AKIRIN1: variants seen among roughly 807,000 people sequenced by gnomAD.
AKIRIN1 encodes akirin 1.
Under a neutral mutation model 25.9 loss-of-function variants are expected in AKIRIN1, and 4 were observed. The ratio of observed to expected loss-of-function variants is 0.15; its 90% CI spans 0.08 to 0.35. The LOEUF is 0.35. AKIRIN1 is among the 10% of genes least tolerant of loss of function. The probability of loss-of-function intolerance (pLI) is 1.00; values close to 1 mark genes in which losing one functional copy is unlikely to be tolerated. For synonymous variants in AKIRIN1, 125 were observed against 105.1 expected, an observed-to-expected ratio of 1.19 and a Z score of -1.16; for missense variants, 243 against 266.1, an observed-to-expected ratio of 0.91 and a Z score of 0.61.
At chr1:38,993,753 A>ACAT (rs1435551497) in intron 1 of AKIRIN1, among the ~76,000 whole-genome samples, 1 of 152,018 alleles carries the variant, frequency 6.6e-6, no homozygotes, top group Non-Finnish European at 1.5e-5. Context: ...AGTCTGTGCA[A>ACAT]CATAATGAGA....
At chr1:38,996,686 C>A (rs777581500) in intron 1 of AKIRIN1, among the ~76,000 whole-genome samples, 1 of 152,160 alleles carries the variant, frequency 6.6e-6, no homozygotes, top group East Asian at 1.9e-4. Context: ...CGTGCCACCA[C>A]GCCTGGCTAA....
At chr1:38,996,131 G>A (rs1313601573) in intron 1 of AKIRIN1, among the ~76,000 whole-genome samples, 2 of 152,174 alleles carry the variant, frequency 1.3e-5, no homozygotes, top group African/African-American at 2.4e-5. Flanking sequence ...GTCTTACTCT[G>A]TTGCCCAGGC....
rs1361610822 is a variant in AKIRIN1, at chr1:39,005,238, GTGGCGGT to G, written c.*1186_*1192del. The G allele has an allele frequency of 6.6e-6, 1 of 151,744 alleles. No individual in the cohort carries two copies. 9.4% of individuals were successfully genotyped at this position (151,744 alleles called of 1,614,324 possible). A position where few individuals can be genotyped will look rare whatever the true frequency, so the allele number is the denominator to read the frequency against. On this transcript the variant is annotated 3_prime_UTR_variant, in exon 5 of 5. Coordinates refer to ENST00000432648, the MANE Select transcript of AKIRIN1 (RefSeq NM_024595.3). ...CAGGAGAATCACTTGAACCCTGGAG[GTGGCGGT>G]TGCAGTGAGCACAGATCATGCCACT...
At chr1:38,993,578 C>T (rs1392390592) in intron 1 of AKIRIN1, among the ~76,000 whole-genome samples, 2 of 147,962 alleles carry the variant, frequency 1.4e-5, no homozygotes, top group African/African-American at 5.0e-5. Context: ...TTGCAGTGAG[C>T]GGAGATCACA....
At position 39,003,476 on chromosome 1, in the gene AKIRIN1, C is replaced by G. The variant is rs1382542837; in HGVS notation, c.568+58C>G. 4 of 1,506,208 alleles carry G rather than the reference C, an allele frequency of 2.7e-6. No individual in the cohort carries two copies. The East Asian group carries it at 9.0e-5, about 34-fold the overall frequency. The allele number at this position is 1,506,208 out of a possible 1,614,324, so 93.3% of individuals were successfully genotyped here. ...AAGTTTCAAGAGCAAAATTTCTACA[C>G]TGAAACTTCTCTCCTCAGAGTAAAA... On this transcript the variant is annotated intron_variant, in intron 4 of 4. Transcript: ENST00000432648.
Position 38,991,566 on chromosome 1 carries a change from C to T in AKIRIN1, c.186C>T (p.Ala62=), listed in dbSNP as rs940344021. The change falls in exon 1 of 5, where the codon GCC becomes GCT. Residue 62 remains alanine, a synonymous_variant. Coordinates refer to ENST00000432648, the MANE Select transcript of AKIRIN1 (RefSeq NM_024595.3). ...CACCGCAGAGTCTGCAGCAGCCCGC[C>T]CCGCCCGGCAGCGAGCGGCGCCTTC... ...QTPPQSLQQP[A]PPGSERRLPT... is the part of the protein sequence containing the mutation. The T allele has an allele frequency of 1.5e-6, 2 of 1,374,254 alleles. No homozygotes were observed. Among genetic ancestry groups the T allele is most frequent in the Non-Finnish European group, 1.9e-6 (2 of 1,066,692 alleles). 85.1% of individuals were successfully genotyped at this position (1,374,254 alleles called of 1,614,324 possible).
At chr1:39,000,912 G>T (rs1643986213) in intron 2 of AKIRIN1, 60 bp from the exon 3 acceptor site, 3 of 1,529,324 alleles carry the variant, frequency 2.0e-6, no homozygotes, top group African/African-American at 2.8e-5. Flanking sequence ...CTCCCAAAGT[G>T]CTGGGATTAT....
chr1:39,003,951 A>G (rs370185419), intron 4 of AKIRIN1, 94 bp from the exon 5 acceptor site: 40 of 1,086,522 alleles, frequency 3.7e-5, no homozygotes, highest in Middle Eastern at 4.0e-4. Flanking sequence ...CGTTCATGCT[A>G]TTTCTCACAT....
Position 38,996,517 on chromosome 1 carries a change from T to A in AKIRIN1, c.221-1654T>A, listed in dbSNP as rs986085703. Among the ~76,000 whole-genome samples, 7 of 148,910 alleles carry A rather than the reference T, an allele frequency of 4.7e-5. No homozygotes were observed. The South Asian group carries it at 1.3e-3, about 27-fold the overall frequency. On this transcript the variant is annotated intron_variant, in intron 1 of 4. Transcript: ENST00000432648. The stretch of plus-strand genomic sequence containing the variant: ...AGTGCCTGGCCCATAGCACTCTTGT[T>A]TTTTTGTTTTGTTTTTCTATTTTTT...
intron 3 of AKIRIN1, 149 bp downstream of exon 3, chr1:39,001,255 C>A: frequency 1.5e-5 from 10 of 648,848 alleles, no homozygotes; most frequent in Non-Finnish European, 2.1e-5. Context: ...TGATTGTAAA[C>A]ACATCATTTA....
intron 1 of AKIRIN1, among the ~76,000 whole-genome samples, chr1:38,994,662 C>G (rs553660441): frequency 8.3e-6 from 1 of 120,598 alleles, no homozygotes; most frequent in Admixed American, 9.4e-5. Flanking sequence ...TGTGTCACTA[C>G]GCTCGGCTAA....
rs749355398 is a variant in AKIRIN1 at position 39,003,394 on chromosome 1, C to T, written c.544C>T (p.Arg182Trp). ...ATTCACACATGATCAGATTATGCGA[C>T]GGTATGGGACAAGGCCAACAAGCTG... Reference protein sequence around the residue: ...VKFTHDQIMRRYGTRPTSYVS With the variant: ...VKFTHDQIMRWYGTRPTSYVS Residue 182 changes from arginine (R) to tryptophan (W), a missense_variant, in exon 4 of 5, where the codon CGG becomes TGG. By Grantham distance (101) the Arg-to-Trp change is moderately radical (BLOSUM62 -3). Coordinates refer to ENST00000432648, the MANE Select transcript of AKIRIN1 (RefSeq NM_024595.3). The T allele has an allele frequency of 3.1e-5, 50 of 1,613,546 alleles. No individual in the cohort carries two copies. The Middle Eastern group carries it at 4.9e-4, about 16-fold the overall frequency.
At chr1:38,995,988 T>G (rs745525511) in intron 1 of AKIRIN1, among the ~76,000 whole-genome samples, 3 of 152,140 alleles carry the variant, frequency 2.0e-5, no homozygotes, top group Non-Finnish European at 4.4e-5. Flanking sequence ...GAACTGAGAT[T>G]GTGCTATTGC....
At chr1:38,992,276 G>C (rs1242152892) in intron 1 of AKIRIN1, among the ~76,000 whole-genome samples, 1 of 152,152 alleles carries the variant, frequency 6.6e-6, no homozygotes, top group African/African-American at 2.4e-5. Context: ...GAATGTAACT[G>C]TCCTTAACAG....
rs748518608 is a variant in AKIRIN1, at chr1:39,004,235, A to G, written c.*180A>G. The G allele has an allele frequency of 9.5e-6, 7 of 737,020 alleles. No homozygotes were observed. Among genetic ancestry groups the G allele is most frequent in the Admixed American group, 2.0e-5 (1 of 50,054 alleles). 45.7% of individuals were successfully genotyped at this position (737,020 alleles called of 1,614,324 possible). A position where few individuals can be genotyped will look rare whatever the true frequency, so the allele number is the denominator to read the frequency against. On this transcript the variant is annotated 3_prime_UTR_variant, in exon 5 of 5. Coordinates refer to ENST00000432648, the MANE Select transcript of AKIRIN1 (RefSeq NM_024595.3). Reference sequence around the variant, plus strand: ...GTAAAACTTTCTGGTTGCCACAAGCATATCTTTCTTTTCTGCTCATCCAAT... The same window carrying G: ...GTAAAACTTTCTGGTTGCCACAAGCGTATCTTTCTTTTCTGCTCATCCAAT...
At chr1:38,994,592 G>A (rs906503992) in intron 1 of AKIRIN1, among the ~76,000 whole-genome samples, 1 of 149,306 alleles carries the variant, frequency 6.7e-6, no homozygotes, top group Admixed American at 6.8e-5. Context: ...TGCAACCGCC[G>A]TCTCCCATGT....
intron 2 of AKIRIN1, among the ~76,000 whole-genome samples, chr1:38,999,707 A>G (rs1156374953): frequency 6.6e-6 from 1 of 152,160 alleles, no homozygotes; most frequent in African/African-American, 2.4e-5. Flanking sequence ...ATTTGTAGAG[A>G]AAAAAATATC....
At position 39,004,506 on chromosome 1, in the gene AKIRIN1, A is replaced by T. The variant is rs1360908301; in HGVS notation, c.*451A>T. ...AATTTGGTGCACGACAATTATGGTA[A>T]AAAAACATTTGCTTGGTCTAAAGAA... is the stretch of plus-strand genomic sequence containing the variant. On this transcript the variant is annotated 3_prime_UTR_variant, in exon 5 of 5. Coordinates refer to ENST00000432648, the MANE Select transcript of AKIRIN1 (RefSeq NM_024595.3). The T allele has an allele frequency of 1.4e-5, 4 of 279,120 alleles. No individual in the cohort carries two copies. 17.3% of individuals were successfully genotyped at this position (279,120 alleles called of 1,614,324 possible). A position where few individuals can be genotyped will look rare whatever the true frequency, so the allele number is the denominator to read the frequency against.
intron 1 of AKIRIN1, among the ~76,000 whole-genome samples, chr1:38,995,352 A>G (rs1315650970): frequency 2.0e-5 from 3 of 152,242 alleles, no homozygotes; most frequent in Admixed American, 2.0e-4. Flanking sequence ...GGAACACTGT[A>G]GAGTTTGGAG....
Sources: gnomAD v4.1 joint callset for allele counts (sites outside exome capture counted in the v4.1 genomes callset) on GRCh38, gnomAD v4.1.1 for gene constraint, MANE v1.5 for transcripts, NCBI Gene and HGNC (gene_info 2026-07-23, HGNC 2026-07-21) for gene names.